The following ARRDC4 variants were observed in gnomAD, a reference collection of about 807,000 sequenced individuals.
ARRDC4 encodes arrestin domain-containing protein 4.
In ARRDC4, 40 loss-of-function variants were observed where a neutral mutation model predicts 44.6. The observed-to-expected ratio is 0.90, with a 90% CI of 0.70 to 1.17. ARRDC4 has a LOEUF of 1.17. ARRDC4 is among the 50% of genes most tolerant of loss of function. ARRDC4 has a pLI of 0.00. For missense variants in ARRDC4, 550 were observed against 559.1 expected, an observed-to-expected ratio of 0.98 and a Z score of 0.16; for synonymous variants, 211 against 221.2, an observed-to-expected ratio of 0.95 and a Z score of 0.41.
At chr15:97,969,038 C>G in intron 4 of ARRDC4, 85 bp from the exon 5 acceptor site, 1 of 1,366,852 alleles carries the variant, frequency 7.3e-7, no homozygotes, top group Non-Finnish European at 1.0e-6. Flanking sequence ...GATGTTGGAA[C>G]ATTTCAGCTA....
At position 97,973,002 on chromosome 15, in the gene ARRDC4, C is replaced by T. The variant is rs554463153; in HGVS notation, c.*1815C>T. 6.6e-6 allele frequency: 1 copy of T among 152,494 alleles called. No homozygotes were observed. Among genetic ancestry groups the T allele is most frequent in the Admixed American group, 6.5e-5 (1 of 15,286 alleles). The allele number at this position is 152,494 out of a possible 1,614,324, so 9.4% of individuals were successfully genotyped here. On this transcript the variant is annotated 3_prime_UTR_variant, in exon 8 of 8. Transcript: ENST00000268042. ...ACTGAAATTGTCACAAAACGTTATT[C>T]CTTGATTTGGTTTTTAAATTTTGCT...
intron 1 of ARRDC4, 47 bp downstream of exon 1, chr15:97,961,215 C>T: frequency 1.5e-6 from 2 of 1,351,786 alleles, no homozygotes; most frequent in South Asian, 1.8e-5. Context: ...GCTGCGGGGC[C>T]GGGGAGGGGC....
At position 97,960,998 on chromosome 15, in the gene ARRDC4, C is replaced by T; in HGVS notation, c.137C>T (p.Ala46Val). The change falls in exon 1 of 8, where the codon GCG becomes GTG. Residue 46 changes from alanine (A) to valine (V), a missense_variant. Transcript: ENST00000268042. ...GTGGCCGGGCACGTGCTGCTGGAGGCGTCCGAGCCGGTGGCCCTGCGCGCG... is the reference window on the plus strand; with the variant it reads ...GTGGCCGGGCACGTGCTGCTGGAGGTGTCCGAGCCGGTGGCCCTGCGCGCG... ...ETVAGHVLLE[A>V]SEPVALRALR... The T allele has an allele frequency of 6.9e-7, 1 of 1,449,386 alleles. No homozygotes were observed. The highest frequency in any genetic ancestry group is 9.1e-7 in the Non-Finnish European group (1 of 1,100,154). 89.8% of individuals were successfully genotyped at this position (1,449,386 alleles called of 1,614,324 possible).
chr15:97,962,186 A>G (rs1899335600), intron 1 of ARRDC4, among the ~76,000 whole-genome samples: 1 of 152,182 alleles, frequency 6.6e-6, no homozygotes, highest in Admixed American at 6.5e-5. Context: ...ATATAATAGA[A>G]TATGTGGTTT....
At position 97,972,607 on chromosome 15, in the gene ARRDC4, G is replaced by A. The variant is rs578212642; in HGVS notation, c.*1420G>A. On this transcript the variant is annotated 3_prime_UTR_variant, in exon 8 of 8. Coordinates refer to ENST00000268042, the MANE Select transcript of ARRDC4 (RefSeq NM_183376.3). The surrounding 1 kb of genome is among the most constrained non-coding windows in gnomAD (Gnocchi z 5.3). ...CTCTGGACACATGGAAGGGAGCCAG[G>A]GATTCCTGTGATACAGATTTTGAAC... 1 of 152,538 alleles carries A rather than the reference G, an allele frequency of 6.6e-6. No homozygotes were observed. The highest frequency in any genetic ancestry group is 2.4e-5 in the African/African-American group (1 of 41,498). 9.4% of individuals were successfully genotyped at this position (152,538 alleles called of 1,614,324 possible).
chr15:97,966,789 T>C lies in ARRDC4; in HGVS notation c.522+747T>C, dbSNP rs1038677175. ...ATAGCTACTAGGACCTAATGGTTCT[T>C]CATTTAAATATGAATGAATGATTTT... On this transcript the variant is annotated intron_variant, in intron 3 of 7. Coordinates refer to ENST00000268042, the MANE Select transcript of ARRDC4 (RefSeq NM_183376.3). This position sits in a 1 kb window ranked among gnomAD's most constrained non-coding sequence, Gnocchi z 4.7. Among the ~76,000 whole-genome samples, 1 of 152,210 alleles carries C rather than the reference T, an allele frequency of 6.6e-6. No homozygotes were observed. Among genetic ancestry groups the C allele is most frequent in the Non-Finnish European group, 1.5e-5 (1 of 68,028 alleles).
In ARRDC4 at chr15:97,971,340, C is replaced by G. The variant is rs180946251; in HGVS notation, c.*153C>G. 1.3e-6 allele frequency: 1 copy of G among 756,256 alleles called. No individual in the cohort carries two copies. Among genetic ancestry groups the G allele is most frequent in the African/African-American group, 1.8e-5 (1 of 56,742 alleles). 46.8% of individuals were successfully genotyped at this position (756,256 alleles called of 1,614,324 possible). A position where few individuals can be genotyped will look rare whatever the true frequency, so the allele number is the denominator to read the frequency against. On this transcript the variant is annotated 3_prime_UTR_variant, in exon 8 of 8. Coordinates refer to ENST00000268042, the MANE Select transcript of ARRDC4 (RefSeq NM_183376.3). ...AGAAATTAAAGAATGTGAGAAAGTT[C>G]TGGTGGGCCGGCAGGATTGCCGCAC...
At chr15:97,963,954 G>A (rs1054263325) in intron 1 of ARRDC4, among the ~76,000 whole-genome samples, 9 of 152,076 alleles carry the variant, frequency 5.9e-5, no homozygotes, top group African/African-American at 1.9e-4. Context: ...CTACCTTCCT[G>A]AGCACACGTC....
At position 97,967,633 on chromosome 15, in the gene ARRDC4, A is replaced by G. The variant is rs1899440351; in HGVS notation, c.523-381A>G. Among the ~76,000 whole-genome samples, 1 of 152,068 alleles carries G rather than the reference A, an allele frequency of 6.6e-6. No individual in the cohort carries two copies. The highest frequency in any genetic ancestry group is 6.6e-5 in the Admixed American group (1 of 15,260). On this transcript the variant is annotated intron_variant, in intron 3 of 7. Transcript: ENST00000268042. This position sits in a 1 kb window ranked among gnomAD's most constrained non-coding sequence, Gnocchi z 5.0. ...TCTGATTATTTTTTATTTTTATATC[A>G]TTTATCCTTCCACCTGACTTTTATA...
intron 7 of ARRDC4, 102 bp from the exon 8 acceptor site, chr15:97,971,029 T>G: frequency 7.6e-7 from 1 of 1,318,444 alleles, no homozygotes; most frequent in Non-Finnish European, 1.1e-6. Context: ...TTACACAGGC[T>G]CTGACCAGCT....
chr15:97,969,502 G>T, intron 5 of ARRDC4, 123 bp downstream of exon 5: 1 of 1,101,682 alleles, frequency 9.1e-7, no homozygotes, highest in Non-Finnish European at 1.3e-6. Context: ...CACCAATTGG[G>T]GACTGTATGA....
Position 97,960,744 on chromosome 15 carries a change from C to T in ARRDC4, c.-118C>T. ...AGCCGGTGCCCCATCGGGTACCGCACGGCTGCCGCGGCGGCCTTACCCTGC... is the reference window on the plus strand; with the variant it reads ...AGCCGGTGCCCCATCGGGTACCGCATGGCTGCCGCGGCGGCCTTACCCTGC... On this transcript the variant is annotated 5_prime_UTR_variant, in exon 1 of 8. The change creates a new upstream start codon in the 5' untranslated region. Coordinates refer to ENST00000268042, the MANE Select transcript of ARRDC4 (RefSeq NM_183376.3). The T allele has an allele frequency of 1.1e-6, 1 of 934,780 alleles. No individual in the cohort carries two copies. The highest frequency in any genetic ancestry group is 4.6e-5 in the South Asian group (1 of 21,690). The allele number at this position is 934,780 out of a possible 1,614,324, so 57.9% of individuals were successfully genotyped here.
At position 97,966,081 on chromosome 15, in the gene ARRDC4, C is replaced by T. The variant is rs1174331441; in HGVS notation, c.522+39C>T. ...TTTTCTCTTCCTCCTCCTTTTCCTC[C>T]TTCCCTCCCTTCCTCCTTCCTTTCA... On this transcript the variant is annotated intron_variant, in intron 3 of 7. Coordinates refer to ENST00000268042, the MANE Select transcript of ARRDC4 (RefSeq NM_183376.3). The surrounding 1 kb of genome is among the most constrained non-coding windows in gnomAD (Gnocchi z 4.7). 45 of 1,598,984 alleles carry T rather than the reference C, an allele frequency of 2.8e-5. No individual in the cohort carries two copies. The highest frequency in any genetic ancestry group is 3.6e-5 in the Non-Finnish European group (42 of 1,169,886).
intron 1 of ARRDC4, among the ~76,000 whole-genome samples, chr15:97,963,863 T>C (rs1187070494): frequency 6.6e-6 from 1 of 152,234 alleles, no homozygotes; most frequent in Non-Finnish European, 1.5e-5. Flanking sequence ...AGCCCAGCTC[T>C]TTTAGGAGCA....
Position 97,969,922 on chromosome 15 carries a change from G to C in ARRDC4, c.922G>C (p.Glu308Gln), listed in dbSNP as rs767936367. ...TCCTGGTGCTAAAAAATTGATGCTC[G>C]AACTGCCATTAGTGATCGGTACAAT... ...HIPGAKKLML[E>Q]LPLVIGTIPY... The change falls in exon 6 of 8, where the codon GAA becomes CAA. Residue 308 changes from glutamate (E) to glutamine (Q), a missense_variant. Physicochemically the swap from Glu to Gln is conservative, Grantham distance 29 (BLOSUM62 2). Transcript: ENST00000268042. 2.5e-6 allele frequency: 4 copies of C among 1,601,382 alleles called. No homozygotes were observed. The highest frequency in any genetic ancestry group is 2.8e-5 in the African/African-American group (2 of 72,412).
chr15:97,971,241 C>A lies in ARRDC4; in HGVS notation c.*54C>A. On this transcript the variant is annotated 3_prime_UTR_variant, in exon 8 of 8. Coordinates refer to ENST00000268042, the MANE Select transcript of ARRDC4 (RefSeq NM_183376.3). Reference sequence around the variant, plus strand: ...ATCAAATTAGAATGTTGGTTCTTTTCCTTCTGCCTTTTTGGGAAAGAGACA... The same window carrying A: ...ATCAAATTAGAATGTTGGTTCTTTTACTTCTGCCTTTTTGGGAAAGAGACA... 6.5e-7 allele frequency: 1 copy of A among 1,544,320 alleles called. No homozygotes were observed. The highest frequency in any genetic ancestry group is 8.9e-7 in the Non-Finnish European group (1 of 1,118,242).
At position 97,965,771 on chromosome 15, in the gene ARRDC4, T is replaced by C. The variant is rs1596305095; in HGVS notation, c.374+105T>C. The C allele has an allele frequency of 6.7e-7, 1 of 1,484,294 alleles. No individual in the cohort carries two copies. The highest frequency in any genetic ancestry group is 2.3e-5 in the East Asian group (1 of 44,130). 91.9% of individuals were successfully genotyped at this position (1,484,294 alleles called of 1,614,324 possible). The stretch of plus-strand genomic sequence containing the variant: ...GATTCTCAAGTATGCATGTTTACAC[T>C]GAATAGTCCCTAAATAGACTTACTC... On this transcript the variant is annotated intron_variant, in intron 2 of 7. Transcript: ENST00000268042. This position sits in a 1 kb window ranked among gnomAD's most constrained non-coding sequence, Gnocchi z 5.1.
At chr15:97,964,424 A>G (rs1041034651) in intron 1 of ARRDC4, among the ~76,000 whole-genome samples, 2 of 152,144 alleles carry the variant, frequency 1.3e-5, no homozygotes, top group Non-Finnish European at 2.9e-5. Flanking sequence ...TCAATATTAA[A>G]TCTGAGCATG....
chr15:97,968,246 A>G lies in ARRDC4; in HGVS notation c.625+130A>G. 2.3e-6 allele frequency: 1 copy of G among 428,734 alleles called. No homozygotes were observed. Among genetic ancestry groups the G allele is most frequent in the Non-Finnish European group, 4.0e-6 (1 of 252,276 alleles). The allele number at this position is 428,734 out of a possible 1,614,324, so 26.6% of individuals were successfully genotyped here. The stretch of plus-strand genomic sequence containing the variant: ...TATTTTAAAACATGAATAGTGATAC[A>G]TTTTTTATATAAATAATTGATATTT... On this transcript the variant is annotated intron_variant, in intron 4 of 7. Transcript: ENST00000268042. This position sits in a 1 kb window ranked among gnomAD's most constrained non-coding sequence, Gnocchi z 5.4.
Sources: allele counts gnomAD v4.1 joint callset (sites outside exome capture counted in the v4.1 genomes callset), GRCh38; gene constraint gnomAD v4.1.1; non-coding constraint Gnocchi (gnomAD v3.1); transcripts MANE v1.5; gene names NCBI Gene and HGNC (gene_info 2026-07-23, HGNC 2026-07-21).